SCN3A: variants seen among roughly 807,000 people sequenced by gnomAD.
SCN3A encodes the protein sodium channel protein type 3 subunit alpha.
Under a neutral mutation model 187.6 loss-of-function variants are expected in SCN3A, and 60 were observed. That is an observed-to-expected ratio of 0.32 (90% CI 0.26 to 0.40). SCN3A has a LOEUF of 0.40. Among genes scored for constraint, SCN3A ranks in the 10% least tolerant of loss-of-function variants. The pLI is 1.00. For synonymous variants in SCN3A, 788 were observed against 829.2 expected, an observed-to-expected ratio of 0.95 and a Z score of 0.85; for missense variants, 1,601 against 2,428.2, an observed-to-expected ratio of 0.66 and a Z score of 7.16.
intron 9 of SCN3A, among the ~76,000 whole-genome samples, chr2:165,157,754 A>G (rs1299265048): frequency 6.6e-6 from 1 of 152,212 alleles, no homozygotes; most frequent in Non-Finnish European, 1.5e-5. Context: ...TTAATTATTC[A>G]ATCATTTCAA....
chr2:165,156,024 T>G, intron 9 of SCN3A, 121 bp from the exon 10 acceptor site: 6 of 1,208,950 alleles, frequency 5.0e-6, no homozygotes, highest in Non-Finnish European at 6.1e-6. Context: ...CTTGCTTTAA[T>G]TTCCAGAACA....
chr2:165,136,948 G>A (rs553839289), intron 15 of SCN3A, among the ~76,000 whole-genome samples: 4 of 152,110 alleles, frequency 2.6e-5, no homozygotes, highest in Non-Finnish European at 5.9e-5. Context: ...CCCACCCTCT[G>A]CCAAGGCTGA....
chr2:165,091,637 A>G (rs1685112993), intron 27 of SCN3A, among the ~76,000 whole-genome samples: 1 of 152,244 alleles, frequency 6.6e-6, no homozygotes, highest in African/African-American at 2.4e-5. Flanking sequence ...CCTACACATG[A>G]ATTGTGGCAA....
At position 165,127,774 on chromosome 2, in the gene SCN3A, C is replaced by T. The variant is rs140990288; in HGVS notation, c.3250G>A (p.Val1084Ile). The T allele has an allele frequency of 7.6e-3, 12,224 of 1,614,110 alleles. 71 individuals carry two copies. The highest frequency in any genetic ancestry group is 9.2e-3 in the Non-Finnish European group (10,822 of 1,179,996). Residue 1084 changes from valine to isoleucine, a missense_variant, in exon 18 of 28, where the codon GTA (valine) becomes ATA (isoleucine). Val to Ile is a conservative substitution (Grantham distance 29). This residue lies in a region of SCN3A where 267 missense variants were observed against 313.2 expected (regional missense o/e 0.85). Coordinates refer to ENST00000283254, the MANE Select transcript of SCN3A (RefSeq NM_006922.4). ...GACATATAATCATTTTCATCGATTA[C>T]GTATTTTTCAACACTGCTTCCAGTA... Reference protein sequence around the residue: ...VGTGSSVEKYVIDENDYMSFI... With the variant: ...VGTGSSVEKYIIDENDYMSFI...
chr2:165,193,647 CACT>C (rs897829112), intron 1 of SCN3A, among the ~76,000 whole-genome samples: 5 of 152,100 alleles, frequency 3.3e-5, no homozygotes, highest in African/African-American at 1.2e-4. Flanking sequence ...AATGACAGCC[CACT>C]GTTTTCACAA....
chr2:165,155,535 G>A (rs1688967248), intron 10 of SCN3A, among the ~76,000 whole-genome samples: 1 of 151,910 alleles, frequency 6.6e-6, no homozygotes, highest in Admixed American at 6.6e-5. Flanking sequence ...TTGTAGCTAG[G>A]GCTACAGATG....
chr2:165,192,203 A>G (rs772056791), intron 1 of SCN3A, among the ~76,000 whole-genome samples: 2 of 152,108 alleles, frequency 1.3e-5, no homozygotes, highest in South Asian at 2.1e-4. Context: ...AAATCAAAAT[A>G]CATACATTAC....
At chr2:165,118,589 T>G (rs1686486891) in intron 18 of SCN3A, among the ~76,000 whole-genome samples, 1 of 151,010 alleles carries the variant, frequency 6.6e-6, no homozygotes. Context: ...GATTTAATCT[T>G]TTTTTTTTCC....
At chr2:165,105,876 A>G (rs984981648) in intron 21 of SCN3A, among the ~76,000 whole-genome samples, 6 of 152,168 alleles carry the variant, frequency 3.9e-5, no homozygotes, top group African/African-American at 1.2e-4. Context: ...AAAGAAAAAA[A>G]AAGGATAATT....
intron 21 of SCN3A, among the ~76,000 whole-genome samples, chr2:165,108,764 G>T (rs1195673041): frequency 6.6e-6 from 1 of 152,078 alleles, no homozygotes; most frequent in Non-Finnish European, 1.5e-5. Flanking sequence ...TTATAGGATG[G>T]TATAGTAAGG....
Position 165,154,536 on chromosome 2 carries a change from C to T in SCN3A, c.1296G>A (p.Gln432=), listed in dbSNP as rs761211258. Reference sequence around the variant, plus strand: ...TTTGTTCTGCTTCTTCCAAGGTGGCCTGATTCTGCTCCTCATAGGCCATGG... The same window carrying T: ...TTTGTTCTGCTTCTTCCAAGGTGGCTTGATTCTGCTCCTCATAGGCCATGG... The part of the protein sequence containing the change: ...VVAMAYEEQN[Q]ATLEEAEQKE... Residue 432 remains glutamine (Q), a synonymous_variant, in exon 11 of 28, where the codon CAG becomes CAA. Coordinates refer to ENST00000283254, the MANE Select transcript of SCN3A (RefSeq NM_006922.4). 1.2e-6 allele frequency: 2 copies of T among 1,613,956 alleles called. No individual in the cohort carries two copies. The highest frequency in any genetic ancestry group is 1.1e-5 in the South Asian group (1 of 91,080).
At chr2:165,193,786 C>T (rs1691759924) in intron 1 of SCN3A, among the ~76,000 whole-genome samples, 1 of 152,110 alleles carries the variant, frequency 6.6e-6, no homozygotes, top group Non-Finnish European at 1.5e-5. Context: ...GTTATCTGCG[C>T]TCCTTTGAGA....
intron 1 of SCN3A, among the ~76,000 whole-genome samples, chr2:165,191,376 C>G (rs901445718): frequency 4.6e-5 from 7 of 152,030 alleles, no homozygotes; most frequent in African/African-American, 1.7e-4. Flanking sequence ...CCCCCAGAAG[C>G]TACCCAGAAA....
At chr2:165,113,676 T>A in intron 20 of SCN3A, 140 bp downstream of exon 20, 1 of 895,408 alleles carries the variant, frequency 1.1e-6, no homozygotes, top group Non-Finnish European at 1.8e-6. Flanking sequence ...TTTTGCATCG[T>A]TAAACCTTGG....
chr2:165,180,115 T>C (rs1288855019), intron 2 of SCN3A, among the ~76,000 whole-genome samples: 2 of 152,136 alleles, frequency 1.3e-5, no homozygotes, highest in African/African-American at 4.8e-5. Context: ...GATGAATGTG[T>C]GTAGGTAAAG....
intron 11 of SCN3A, among the ~76,000 whole-genome samples, chr2:165,148,571 G>A (rs1389782458): frequency 6.6e-6 from 1 of 151,958 alleles, no homozygotes; most frequent in Non-Finnish European, 1.5e-5. Flanking sequence ...GGATTACAAT[G>A]ATCTCAGGGA....
intron 1 of SCN3A, among the ~76,000 whole-genome samples, chr2:165,201,594 A>G (rs751198008): frequency 6.6e-5 from 10 of 152,038 alleles, no homozygotes; most frequent in Non-Finnish European, 1.5e-4. Context: ...TATTATTCCT[A>G]TTTTAAAGAT....
Position 165,089,739 on chromosome 2 carries a change from G to A in SCN3A, c.*411C>T, listed in dbSNP as rs898435205. 1 of 174,348 alleles carries A rather than the reference G, an allele frequency of 5.7e-6. No homozygotes were observed. The highest frequency in any genetic ancestry group is 1.2e-5 in the Non-Finnish European group (1 of 80,894). The allele number at this position is 174,348 out of a possible 1,614,324, so 10.8% of individuals were successfully genotyped here. ...TACAAAAATAGTGACATAGCATTAT[G>A]AATAAACTATGAATTGGGGACCATG... is the stretch of plus-strand genomic sequence containing the variant. On this transcript the variant is annotated 3_prime_UTR_variant, in exon 28 of 28. Coordinates refer to ENST00000283254, the MANE Select transcript of SCN3A (RefSeq NM_006922.4).
At chr2:165,162,958 C>T in intron 7 of SCN3A, 130 bp from the exon 8 acceptor site, 1 of 1,106,284 alleles carries the variant, frequency 9.0e-7, no homozygotes, top group Non-Finnish European at 1.4e-6. Context: ...GTATGGATAG[C>T]CTGATGATTT....
Sources: gnomAD v4.1 joint callset for allele counts (sites outside exome capture counted in the v4.1 genomes callset) on GRCh38, gnomAD v4.1.1 for gene constraint, gnomAD v4.1.1 regional missense constraint, MANE v1.5 for transcripts, NCBI Gene and HGNC (gene_info 2026-07-23, HGNC 2026-07-21) for gene names.